RAD52: variants seen among roughly 807,000 people sequenced by gnomAD.
RAD52 encodes the protein RAD52 DNA repair protein.
Under a neutral mutation model 55.5 loss-of-function variants are expected in RAD52, and 47 were observed. The observed-to-expected ratio is 0.85, with a 90% CI of 0.67 to 1.08. The LOEUF is 1.08. RAD52 is among the 50% of genes least tolerant of loss of function. RAD52 has a pLI of 0.00. For missense variants in RAD52, 468 were observed against 522.8 expected, an observed-to-expected ratio of 0.90 and a Z score of 1.02; for synonymous variants, 184 against 198.9, an observed-to-expected ratio of 0.92 and a Z score of 0.63.
intron 1 of RAD52, among the ~76,000 whole-genome samples, chr12:964,397 G>A (rs1256153505): frequency 6.6e-6 from 1 of 152,084 alleles, no homozygotes; most frequent in Non-Finnish European, 1.5e-5. Flanking sequence ...GCGAAACCCT[G>A]TCCCTACTAA....
chr12:956,406 A>T (rs1204325365), intron 1 of RAD52, among the ~76,000 whole-genome samples: 1 of 152,234 alleles, frequency 6.6e-6, no homozygotes, highest in African/African-American at 2.4e-5. Flanking sequence ...ATTGGGCCCC[A>T]CAAATTGTAT....
In RAD52 at chr12:913,893, C is replaced by T. The variant is rs1956221071; in HGVS notation, c.1195+1G>A. ...TTTGTGCCTAAACACCTCTCTGCTA[C>T]CTGTTGTGCGTTGGTCAGCGCTATA... On this transcript the variant is annotated splice_donor_variant, in intron 11 of 11. Coordinates refer to ENST00000358495, the MANE Select transcript of RAD52 (RefSeq NM_134424.4). LOFTEE classifies it high-confidence loss of function. 1 of 1,613,200 alleles carries T rather than the reference C, an allele frequency of 6.2e-7. No homozygotes were observed. The highest frequency in any genetic ancestry group is 1.3e-5 in the African/African-American group (1 of 74,902).
At chr12:985,865 C>T (rs906456786) in intron 1 of RAD52, among the ~76,000 whole-genome samples, 2 of 151,876 alleles carry the variant, frequency 1.3e-5, no homozygotes, top group East Asian at 3.9e-4. Context: ...TGGTCTCGAA[C>T]TCCTAACCTG....
At position 962,965 on chromosome 12, in the gene RAD52, T is replaced by C. The variant is rs562393184; in HGVS notation, c.-19+26844A>G. ...TGACGTTTTGCCATGTTGCCCAGGA[T>C]AGTCTTGAACTCTTGGCTTCAAACA... On this transcript the variant is annotated intron_variant, in intron 1 of 11. Coordinates refer to the RAD52 transcript ENST00000430095. Among the ~76,000 whole-genome samples, 6 of 152,282 alleles carry C rather than the reference T, an allele frequency of 3.9e-5. No individual in the cohort carries two copies. In the South Asian group the frequency reaches 8.3e-4, roughly 21 times the overall value.
intron 8 of RAD52, 50 bp downstream of exon 8, chr12:916,589 C>T (rs1187919754): frequency 1.3e-6 from 2 of 1,596,986 alleles, no homozygotes; most frequent in Non-Finnish European, 8.6e-7. Context: ...GAGGCAGCCC[C>T]GTGACACAGG....
chr12:918,051 A>G (rs1956503273), intron 7 of RAD52, among the ~76,000 whole-genome samples: 1 of 152,196 alleles, frequency 6.6e-6, no homozygotes, highest in Non-Finnish European at 1.5e-5. Flanking sequence ...GAATTAATAC[A>G]ACCATACAGG....
At chr12:973,779 C>CTTTTTT (rs1401411600) in intron 1 of RAD52, among the ~76,000 whole-genome samples, 7 of 136,854 alleles carry the variant, frequency 5.1e-5, no homozygotes, top group Non-Finnish European at 1.1e-4. Flanking sequence ...ACGCCCAGTC[C>CTTTTTT]TTCTTTTTTT....
At chr12:959,223 G>T (rs1045641551) in intron 1 of RAD52, among the ~76,000 whole-genome samples, 4 of 152,180 alleles carry the variant, frequency 2.6e-5, no homozygotes, top group Non-Finnish European at 5.9e-5. Context: ...TTAGAAAACT[G>T]CATTTTAGAG....
chr12:972,419 GAAGT>G (rs1006407151), intron 1 of RAD52, among the ~76,000 whole-genome samples: 4 of 152,150 alleles, frequency 2.6e-5, no homozygotes, highest in African/African-American at 9.7e-5. Flanking sequence ...AGACCTGAAG[GAAGT>G]AAGGAAGCAA....
chr12:922,249 T>G (rs1956783903), intron 7 of RAD52, among the ~76,000 whole-genome samples: 1 of 144,490 alleles, frequency 6.9e-6, no homozygotes, highest in Non-Finnish European at 1.5e-5. Flanking sequence ...CTGGTTAGGA[T>G]TTAGAAAAAT....
At chr12:972,732 C>G (rs900572878) in intron 1 of RAD52, among the ~76,000 whole-genome samples, 1 of 144,766 alleles carries the variant, frequency 6.9e-6, no homozygotes, top group Non-Finnish European at 1.5e-5. Context: ...CACCACTGCA[C>G]TCCAGCCTGG....
chr12:985,129 T>C (rs1465051629), intron 1 of RAD52, among the ~76,000 whole-genome samples: 1 of 152,194 alleles, frequency 6.6e-6, no homozygotes, highest in Non-Finnish European at 1.5e-5. Context: ...TTTTATATTT[T>C]GATGAAGTCC....
At chr12:916,098 T>C in intron 9 of RAD52, 3 of 1,096,198 alleles carry the variant, frequency 2.7e-6, no homozygotes, top group Non-Finnish European at 3.6e-6. Flanking sequence ...TCTAGAAGAT[T>C]TTATCAAGGC....
upstream of RAD52, among the ~76,000 whole-genome samples, chr12:951,844 C>G (rs1178209841): frequency 6.6e-6 from 1 of 152,128 alleles, no homozygotes; most frequent in African/African-American, 2.4e-5. Context: ...AAATTTTCCT[C>G]TAAGAACTCC....
chr12:968,162 A>G (rs758683233), intron 1 of RAD52, among the ~76,000 whole-genome samples: 1 of 152,262 alleles, frequency 6.6e-6, no homozygotes, highest in Non-Finnish European at 1.5e-5. Context: ...ACAAAAATTG[A>G]TAGTATTAAG....
intron 1 of RAD52, among the ~76,000 whole-genome samples, chr12:944,628 A>C (rs923163715): frequency 4.0e-5 from 6 of 150,892 alleles, no homozygotes; most frequent in South Asian, 4.2e-4. Context: ...AAAAAAAAAA[A>C]CTCAGGGGTA....
rs1956158554 is a variant in RAD52, at chr12:912,732, A to AAAAAAAAC, written c.*658_*659insGTTTTTTT. The AAAAAAAAC allele has an allele frequency of 6.8e-6, 1 of 147,834 alleles. No individual in the cohort carries two copies. Among genetic ancestry groups the AAAAAAAAC allele is most frequent in the South Asian group, 2.1e-4 (1 of 4,794 alleles). 9.2% of individuals were successfully genotyped at this position (147,834 alleles called of 1,614,324 possible). On this transcript the variant is annotated 3_prime_UTR_variant, in exon 12 of 12. Transcript: ENST00000358495. The stretch of plus-strand genomic sequence containing the variant: ...AGCCAGACCCCGTCTCAAAAAAAAA[A>AAAAAAAAC]AAAAAAAAAAAAACAAAAAACAGCC...
In RAD52 at chr12:981,938, C is replaced by T. The variant is rs78790555; in HGVS notation, c.-19+7871G>A. Reference sequence around the variant, plus strand: ...GGCCACGGGGGAGGCAGCATCACCACGTTGGCCCTATTGGTCCTGGGTAGC... The same window carrying T: ...GGCCACGGGGGAGGCAGCATCACCATGTTGGCCCTATTGGTCCTGGGTAGC... On this transcript the variant is annotated intron_variant, in intron 1 of 11. Coordinates refer to the RAD52 transcript ENST00000430095. Among the ~76,000 whole-genome samples the T allele has an allele frequency of 1.4e-3, 217 of 152,278 alleles. 1 individual carries two copies. Among genetic ancestry groups the T allele is most frequent in the African/African-American group, 4.5e-3 (185 of 41,558 alleles).
chr12:969,615 T>C (rs1364412510), intron 1 of RAD52, among the ~76,000 whole-genome samples: 2 of 151,402 alleles, frequency 1.3e-5, no homozygotes, highest in Middle Eastern at 3.4e-3. Context: ...AGGGAGCCCC[T>C]GTCTCTACAA....
Sources: gnomAD v4.1 joint callset for allele counts (sites outside exome capture counted in the v4.1 genomes callset) on GRCh38, gnomAD v4.1.1 for gene constraint, MANE v1.5 for transcripts, NCBI Gene and HGNC (gene_info 2026-07-23, HGNC 2026-07-21) for gene names.